KLHL34: variants seen among roughly 807,000 people sequenced by gnomAD.
The protein encoded by KLHL34 is kelch like family member 34.
Under a neutral mutation model 23.8 loss-of-function variants are expected in KLHL34, and 24 were observed. The ratio of observed to expected loss-of-function variants is 1.01; its 90% CI spans 0.73 to 1.42. The LOEUF (loss-of-function observed/expected upper bound fraction) is 1.42, where lower values mean the gene tolerates loss of function less well. Among genes scored for constraint, KLHL34 ranks in the 40% most tolerant of loss-of-function variants. KLHL34 has a pLI of 0.00. For synonymous variants in KLHL34, 303 were observed against 287.9 expected, an observed-to-expected ratio of 1.05 and a Z score of -0.53; for missense variants, 652 against 595.1, an observed-to-expected ratio of 1.10 and a Z score of -0.99.
Position 21,657,899 on chromosome X carries a change from A to G in KLHL34, c.-111T>C, listed in dbSNP as rs1472709167. ...CCCCCGCGTAAGCCACAGAGCCCCTAGCAGGGGCCCATTTCTGCCTGCTCA... is the reference window on the plus strand; with the variant it reads ...CCCCCGCGTAAGCCACAGAGCCCCTGGCAGGGGCCCATTTCTGCCTGCTCA... On this transcript the variant is annotated 5_prime_UTR_variant, in exon 1 of 1. An upstream open reading frame in the 5' UTR loses its in-frame stop. Transcript: ENST00000379499. 2.7e-6 allele frequency: 3 copies of G among 1,092,663 alleles called. No individual in the cohort carries two copies. The highest frequency in any genetic ancestry group is 3.6e-6 in the Non-Finnish European group (3 of 828,783). 90.0% of individuals were successfully genotyped at this position (1,092,663 alleles called of 1,213,427 possible).
chrX:21,657,235 G>T lies in KLHL34; in HGVS notation c.554C>A (p.Ala185Asp). Residue 185 changes from alanine (A) to aspartate (D), a missense_variant, in exon 1 of 1, where the codon GCC (alanine) becomes GAC (aspartate). Ala to Asp is a moderately radical substitution (Grantham distance 126). Transcript: ENST00000379499. ...NPTSLRAVLG[A>D]PDVARVPEAR... ...CTCGGGCACCCGCGCCACGTCGGGG[G>T]CACCCAGTACAGCCCTCAGCGATGT... 1.7e-6 allele frequency: 2 copies of T among 1,190,085 alleles called. No homozygotes were observed. The highest frequency in any genetic ancestry group is 2.4e-4 in the Middle Eastern group (1 of 4,157).
chrX:21,656,539 T>A lies in KLHL34; in HGVS notation c.1250A>T (p.His417Leu). 8.3e-7 allele frequency: 1 copy of A among 1,197,652 alleles called. No homozygotes were observed. The highest frequency in any genetic ancestry group is 1.1e-6 in the Non-Finnish European group (1 of 889,158). The change falls in exon 1 of 1, where the codon CAC becomes CTC. Residue 417 changes from histidine to leucine, a missense_variant. His to Leu is a moderately conservative substitution (Grantham distance 99). Coordinates refer to ENST00000379499, the MANE Select transcript of KLHL34 (RefSeq NM_153270.3). ...EVPAMREARA[H>L]FWCGAVGERL... ...CTCGCCCACCGCGCCGCACCAGAAG[T>A]GGGCCCGCGCTTCCCGCATGGCGGG...
chrX:21,656,005 T>G lies in KLHL34; in HGVS notation c.1784A>C (p.Tyr595Ser). 8.3e-7 allele frequency: 1 copy of G among 1,209,588 alleles called. No homozygotes were observed. Among genetic ancestry groups the G allele is most frequent in the Non-Finnish European group, 1.1e-6 (1 of 894,628 alleles). Residue 595 changes from tyrosine to serine, a missense_variant, in exon 1 of 1, where the codon TAC (tyrosine) becomes TCC (serine). Tyr to Ser is a moderately radical substitution (Grantham distance 144, BLOSUM62 -2). Coordinates refer to ENST00000379499, the MANE Select transcript of KLHL34 (RefSeq NM_153270.3). ...CTCCCAACGGTCCAGGTCGAGGTCG[T>G]AGCCCACTACGTTGCGGGTAGGCAC... ...RQVPTRNVVGYDLDLDRWEDI... is the reference protein window; with the variant it reads ...RQVPTRNVVGSDLDLDRWEDI...
Position 21,657,118 on chromosome X carries a change from C to A in KLHL34, c.671G>T (p.Arg224Leu). ...TACGTCGGCGGGAACCAGGCCAAAG[C>A]GGACACGCTCCAGCAACTCTGTACA... Reference protein sequence around the residue: ...AHCTELLERVRFGLVPADVLR... With the variant: ...AHCTELLERVLFGLVPADVLR... The change falls in exon 1 of 1, where the codon CGC (arginine) becomes CTC (leucine). Residue 224 changes from arginine to leucine, a missense_variant. Transcript: ENST00000379499. 1 of 1,206,721 alleles carries A rather than the reference C, an allele frequency of 8.3e-7. No individual in the cohort carries two copies. The highest frequency in any genetic ancestry group is 1.1e-6 in the Non-Finnish European group (1 of 894,227).
In KLHL34 at chrX:21,657,604, G is replaced by A. The variant is rs2092735377; in HGVS notation, c.185C>T (p.Thr62Ile). The A allele has an allele frequency of 5.8e-6, 7 of 1,209,082 alleles. No individual in the cohort carries two copies. Among genetic ancestry groups the A allele is most frequent in the Non-Finnish European group, 7.8e-6 (7 of 895,070 alleles). Residue 62 changes from threonine to isoleucine, a missense_variant, in exon 1 of 1, where the codon ACC becomes ATC. Physicochemically the swap from Thr to Ile is moderately conservative, Grantham distance 89 (BLOSUM62 -1). Transcript: ENST00000379499. Reference sequence around the variant, plus strand: ...GATCACGCGCGCCCGGGATTCCTGGGTGTGGCTCTTGAACAGGGCCCTGAA... The same window carrying A: ...GATCACGCGCGCCCGGGATTCCTGGATGTGGCTCTTGAACAGGGCCCTGAA... ...DYFRALFKSH[T>I]QESRARVIHL...
rs1347126704 is a variant in KLHL34 at position 21,658,275 on chromosome X, CCGGGGTGGA to C, written c.-496_-488del. ...GTGCAGGGCGAGGACTCTGACCTCTCCGGGGTGGACGAGGAGGACGGGTTCTGCGGGCAC... is the reference window on the plus strand; with the variant it reads ...GTGCAGGGCGAGGACTCTGACCTCTCCGAGGAGGACGGGTTCTGCGGGCAC... On this transcript the variant is annotated 5_prime_UTR_variant, in exon 1 of 1. Coordinates refer to ENST00000379499, the MANE Select transcript of KLHL34 (RefSeq NM_153270.3). 2.3e-5 allele frequency: 3 copies of C among 127,885 alleles called. No individual in the cohort carries two copies. The East Asian group carries it at 8.2e-4, about 35-fold the overall frequency. 10.5% of individuals were successfully genotyped at this position (127,885 alleles called of 1,213,427 possible).
chrX:21,656,796 C>T lies in KLHL34; in HGVS notation c.993G>A (p.Glu331=), dbSNP rs150393164. 2,179 of 1,191,718 alleles carry T rather than the reference C, an allele frequency of 1.8e-3. 1 individual carries two copies. The highest frequency in any genetic ancestry group is 2.2e-3 in the Non-Finnish European group (1,983 of 885,748). ...CGAAGGCCACCACGTTCTGGGTGAG[C>T]TCCCACTCCTCCTCCTCCTCCTCTT... The part of the protein sequence containing the change: ...LEEEEEEEEW[E]LTQNVVAFDV... Residue 331 remains glutamate (E), a synonymous_variant, in exon 1 of 1, where the codon GAG becomes GAA. Transcript: ENST00000379499.
chrX:21,656,048 A>T lies in KLHL34; in HGVS notation c.1741T>A (p.Trp581Arg), dbSNP rs1368704103. ...GTAGGCACCTGGCGCGAGTCCCGCC[A>T]CTTGAGGCCGCCCAGCAGCAACGCT... Reference protein sequence around the residue: ...ETALLLGGLKWRDSRQVPTRN... With the variant: ...ETALLLGGLKRRDSRQVPTRN... The change falls in exon 1 of 1, where the codon TGG (tryptophan) becomes AGG (arginine). Residue 581 changes from tryptophan to arginine, a missense_variant. Coordinates refer to ENST00000379499, the MANE Select transcript of KLHL34 (RefSeq NM_153270.3). The T allele has an allele frequency of 1.7e-6, 2 of 1,202,035 alleles. No homozygotes were observed. Among genetic ancestry groups the T allele is most frequent in the African/African-American group, 3.5e-5 (2 of 57,048 alleles).
rs2092734629 is a variant in KLHL34 at position 21,657,233 on chromosome X, G to A, written c.556C>T (p.Pro186Ser). The change falls in exon 1 of 1, where the codon CCC (proline) becomes TCC (serine). Residue 186 changes from proline to serine, a missense_variant. Pro to Ser is a moderately conservative substitution (Grantham distance 74, BLOSUM62 -1). Transcript: ENST00000379499. ...PTSLRAVLGA[P>S]DVARVPEARL... ...GCCTCGGGCACCCGCGCCACGTCGG[G>A]GGCACCCAGTACAGCCCTCAGCGAT... The A allele has an allele frequency of 8.4e-7, 1 of 1,191,656 alleles. No homozygotes were observed. The highest frequency in any genetic ancestry group is 1.1e-6 in the Non-Finnish European group (1 of 886,827).
rs755826680 is a variant in KLHL34 at position 21,656,378 on chromosome X, C to T, written c.1411G>A (p.Gly471Arg). The T allele has an allele frequency of 3.3e-6, 4 of 1,196,929 alleles. No individual in the cohort carries two copies. The South Asian group carries it at 7.3e-5, about 22-fold the overall frequency. The change falls in exon 1 of 1, where the codon GGG becomes AGG. Residue 471 changes from glycine (G) to arginine (R), a missense_variant. By Grantham distance (125) the Gly-to-Arg change is moderately radical. Transcript: ENST00000379499. ...GAGATGTACACAACACCGCGGTCCC[C>T]GACGGCCCCCGCGTGACCGTGCAGA... ...RALHGHAGAVGDRGVVYISGG... is the reference protein window; with the variant it reads ...RALHGHAGAVRDRGVVYISGG...
In KLHL34 at chrX:21,656,814, C is replaced by T. The variant is rs1041734872; in HGVS notation, c.975G>A (p.Glu325=). The T allele has an allele frequency of 2.0e-5, 24 of 1,191,612 alleles. No homozygotes were observed. Among genetic ancestry groups the T allele is most frequent in the Non-Finnish European group, 2.4e-5 (21 of 885,332 alleles). Residue 325 remains glutamate (E), a synonymous_variant, in exon 1 of 1, where the codon GAG becomes GAA. Transcript: ENST00000379499. ...EEEEEELEEE[E]EEEEWELTQN... Reference sequence around the variant, plus strand: ...GGGTGAGCTCCCACTCCTCCTCCTCCTCCTCTTCCTCCAACTCTTCCTCTT... The same window carrying T: ...GGGTGAGCTCCCACTCCTCCTCCTCTTCCTCTTCCTCCAACTCTTCCTCTT...
At position 21,656,137 on chromosome X, in the gene KLHL34, C is replaced by A; in HGVS notation, c.1652G>T (p.Trp551Leu). The part of the protein sequence containing the change: ...IERYDPGADQ[W>L]TRLRPLPYDR... ...GTAGGGCAGCGGCCGCAACCGAGTC[C>A]ACTGGTCGGCGCCGGGGTCGTAGCG... Residue 551 changes from tryptophan (W) to leucine (L), a missense_variant, in exon 1 of 1, where the codon TGG (tryptophan) becomes TTG (leucine). Transcript: ENST00000379499. 8.5e-7 allele frequency: 1 copy of A among 1,177,224 alleles called. No homozygotes were observed. The highest frequency in any genetic ancestry group is 1.1e-6 in the Non-Finnish European group (1 of 877,277).
chrX:21,657,044 T>C lies in KLHL34; in HGVS notation c.745A>G (p.Lys249Glu). The C allele has an allele frequency of 8.5e-7, 1 of 1,182,280 alleles. No homozygotes were observed. Residue 249 changes from lysine (K) to glutamate (E), a missense_variant, in exon 1 of 1, where the codon AAG becomes GAG. Lys to Glu is a moderately conservative substitution (Grantham distance 56). Coordinates refer to ENST00000379499, the MANE Select transcript of KLHL34 (RefSeq NM_153270.3). Reference protein sequence around the residue: ...GSGLVLPARVKGLIIQALNYH... With the variant: ...GSGLVLPARVEGLIIQALNYH... ...TTGAGGGCCTGGATGATGAGGCCCTTGACCCGGGCGGGCAGCACGAGGCCA... is the reference window on the plus strand; with the variant it reads ...TTGAGGGCCTGGATGATGAGGCCCTCGACCCGGGCGGGCAGCACGAGGCCA...
rs200087075 is a variant in KLHL34, at chrX:21,656,186, A to G, written c.1603T>C (p.Tyr535His). ...CGCTCGATCTCAGAGAAGGGCTCGT[A>G]TCGCCCCAGAAAAGCAAACACAGCG... ...RGAVFAFLGR[Y>H]EPFSEIERYD... The change falls in exon 1 of 1, where the codon TAC becomes CAC. Residue 535 changes from tyrosine to histidine, a missense_variant. By Grantham distance (83) the Tyr-to-His change is moderately conservative. Transcript: ENST00000379499. 16 of 1,174,267 alleles carry G rather than the reference A, an allele frequency of 1.4e-5. 1 individual carries two copies. In the East Asian group the frequency reaches 5.0e-4, roughly 36 times the overall value.
chrX:21,657,519 G>C lies in KLHL34; in HGVS notation c.270C>G (p.Ala90=), dbSNP rs147510822. Residue 90 remains alanine, a synonymous_variant, in exon 1 of 1, where the codon GCC becomes GCG. Coordinates refer to ENST00000379499, the MANE Select transcript of KLHL34 (RefSeq NM_153270.3). ...LQRLLDFIYT[A]WLSLSMDTVE... Reference sequence around the variant, plus strand: ...CAGTGTCCATGGAAAGCGACAGCCAGGCAGTGTAGATGAAGTCCAGCAGGC... The same window carrying C: ...CAGTGTCCATGGAAAGCGACAGCCACGCAGTGTAGATGAAGTCCAGCAGGC... The C allele has an allele frequency of 2.1e-5, 26 of 1,210,485 alleles. No homozygotes were observed. In the African/African-American group the frequency reaches 3.6e-4, roughly 17 times the overall value.
rs776682135 is a variant in KLHL34, at chrX:21,656,346, GC to G, written c.1442del (p.Gly481AlafsTer112). The G allele has an allele frequency of 8.3e-7, 1 of 1,199,082 alleles. No homozygotes were observed. Among genetic ancestry groups the G allele is most frequent in the Non-Finnish European group, 1.1e-6 (1 of 889,729 alleles). On this transcript the variant is annotated frameshift_variant, in exon 1 of 1. Transcript: ENST00000379499. LOFTEE classifies it high-confidence loss of function. Reference protein sequence around the residue: ...GDRGVVYISGGKAGRGEGGAS... With the variant: ...GDRGVVYISGXKAGRGEGGAS... ...CTCCGCCCTCGCCTCTCCCTGCCTT[GC>G]CCCCCGAGATGTACACAACACCGCG...
In KLHL34 at chrX:21,657,094, A is replaced by T; in HGVS notation, c.695T>A (p.Val232Glu). The change falls in exon 1 of 1, where the codon GTA becomes GAA. Residue 232 changes from valine to glutamate, a missense_variant. Coordinates refer to ENST00000379499, the MANE Select transcript of KLHL34 (RefSeq NM_153270.3). ...AGAGCCCGAGTACACGCGCCGCAGTACGTCGGCGGGAACCAGGCCAAAGCG... is the reference window on the plus strand; with the variant it reads ...AGAGCCCGAGTACACGCGCCGCAGTTCGTCGGCGGGAACCAGGCCAAAGCG... ...RVRFGLVPADVLRRVYSGSGL... is the reference protein window; with the variant it reads ...RVRFGLVPADELRRVYSGSGL... 1 of 1,205,811 alleles carries T rather than the reference A, an allele frequency of 8.3e-7. No homozygotes were observed. Among genetic ancestry groups the T allele is most frequent in the Non-Finnish European group, 1.1e-6 (1 of 893,308 alleles).
In KLHL34 at chrX:21,656,050, T is replaced by C. The variant is rs146742477; in HGVS notation, c.1739A>G (p.Lys580Arg). 2.0e-5 allele frequency: 24 copies of C among 1,202,184 alleles called. No homozygotes were observed. The African/African-American group carries it at 3.7e-4, about 18-fold the overall frequency. The part of the protein sequence containing the change: ...EETALLLGGL[K>R]WRDSRQVPTR... ...AGGCACCTGGCGCGAGTCCCGCCAC[T>C]TGAGGCCGCCCAGCAGCAACGCTGT... Residue 580 changes from lysine (K) to arginine (R), a missense_variant, in exon 1 of 1, where the codon AAG (lysine) becomes AGG (arginine). Physicochemically the swap from Lys to Arg is conservative, Grantham distance 26. Coordinates refer to ENST00000379499, the MANE Select transcript of KLHL34 (RefSeq NM_153270.3).
rs762518653 is a variant in KLHL34 at position 21,656,927 on chromosome X, GC to G, written c.861del (p.Arg288AlafsTer7). On this transcript the variant is annotated frameshift_variant, in exon 1 of 1. Transcript: ENST00000379499. LOFTEE classifies it high-confidence loss of function. ...SPQTRILLVG[G>X]RRAREVVIEE... ...TCAATCACCACCTCCCGTGCCCTGCGCCCCCCCACCAACAAGATGCGGGTCT... is the reference window on the plus strand; with the variant it reads ...TCAATCACCACCTCCCGTGCCCTGCGCCCCCCACCAACAAGATGCGGGTCT... 3.5e-6 allele frequency: 4 copies of G among 1,158,218 alleles called. No individual in the cohort carries two copies. Among genetic ancestry groups the G allele is most frequent in the Non-Finnish European group, 3.5e-6 (3 of 868,431 alleles).
Sources: gnomAD v4.1 joint callset for allele counts on GRCh38, gnomAD v4.1.1 for gene constraint, MANE v1.5 for transcripts, NCBI Gene and HGNC (gene_info 2026-07-23, HGNC 2026-07-21) for gene names.